IQSEC1: variants seen among roughly 807,000 people sequenced by gnomAD.
IQSEC1 encodes IQ motif and SEC7 domain-containing protein 1.
A neutral mutation model predicts 91.0 loss-of-function variants in IQSEC1; 31 were observed. The ratio of observed to expected loss-of-function variants is 0.34; its 90% CI spans 0.26 to 0.46. IQSEC1 has a LOEUF of 0.46. IQSEC1 is among the 20% of genes least tolerant of loss of function. The pLI, the probability that IQSEC1 is intolerant of heterozygous loss-of-function variation, is 1.00. For missense variants in IQSEC1, 1,388 were observed against 1,575.6 expected (o/e 0.88, Z 2.02); for synonymous variants, 699 against 662.6 (o/e 1.05, Z -0.84).
At chr3:13,066,808 G>A (rs989597822) in intron 1 of IQSEC1, among the ~76,000 whole-genome samples, 24 of 152,250 alleles carry the variant, frequency 1.6e-4, no homozygotes, top group African/African-American at 4.3e-4. Flanking sequence ...CAGGCAGGGC[G>A]GGCCTGGTCC....
At chr3:12,958,522 G>A (rs1301942305) in intron 1 of IQSEC1, among the ~76,000 whole-genome samples, 2 of 152,226 alleles carry the variant, frequency 1.3e-5, no homozygotes, top group Non-Finnish European at 2.9e-5. Flanking sequence ...CCCAGGAAAA[G>A]CAGAGAGTAG....
chr3:13,202,048 C>T (rs1449584533), intron 1 of IQSEC1, among the ~76,000 whole-genome samples: 1 of 152,242 alleles, frequency 6.6e-6, no homozygotes, highest in African/African-American at 2.4e-5. Flanking sequence ...AGGAGTCTTG[C>T]TTCAGTGATC....
Position 12,909,533 on chromosome 3 carries a change from G to C in IQSEC1, c.2417-99C>G. 1 of 1,245,744 alleles carries C rather than the reference G, an allele frequency of 8.0e-7. No homozygotes were observed. The highest frequency in any genetic ancestry group is 1.1e-6 in the Non-Finnish European group (1 of 881,078). 77.2% of individuals were successfully genotyped at this position (1,245,744 alleles called of 1,614,324 possible). On this transcript the variant is annotated intron_variant, in intron 10 of 13. Coordinates refer to ENST00000613206, the MANE Select transcript of IQSEC1 (RefSeq NM_001134382.3). The surrounding 1 kb of genome is among the most constrained non-coding windows in gnomAD (Gnocchi z 4.9). Reference sequence around the variant, plus strand: ...AAACAATGGTAGGGCTGAGTTGTGCGTGAGCCTGGGATAAGTGCCGGGAGT... The same window carrying C: ...AAACAATGGTAGGGCTGAGTTGTGCCTGAGCCTGGGATAAGTGCCGGGAGT...
intron 2 of IQSEC1, among the ~76,000 whole-genome samples, chr3:13,113,429 C>T (rs531881957): frequency 2.6e-5 from 4 of 152,298 alleles, no homozygotes; most frequent in East Asian, 3.9e-4. Flanking sequence ...GTGGGGATGA[C>T]GCTTGCCCAC....
chr3:13,132,104 G>T (rs1002034256), intron 2 of IQSEC1, among the ~76,000 whole-genome samples: 3 of 152,194 alleles, frequency 2.0e-5, no homozygotes, highest in African/African-American at 7.2e-5. Flanking sequence ...TACCTTGCTA[G>T]ATATTTTTGT....
chr3:13,264,725 G>A (rs1428303138), intron 1 of IQSEC1, among the ~76,000 whole-genome samples: 1 of 151,920 alleles, frequency 6.6e-6, no homozygotes, highest in Non-Finnish European at 1.5e-5. Flanking sequence ...GGACGGAGGA[G>A]AGGGCAGGAG....
At chr3:13,135,530 G>A (rs1706692231) in intron 2 of IQSEC1, among the ~76,000 whole-genome samples, 1 of 152,246 alleles carries the variant, frequency 6.6e-6, no homozygotes, top group South Asian at 2.1e-4. Context: ...CCCCAGCTCT[G>A]GTGCCCCTGG....
At chr3:13,189,702 C>T (rs1292323225) in intron 1 of IQSEC1, among the ~76,000 whole-genome samples, 1 of 151,444 alleles carries the variant, frequency 6.6e-6, no homozygotes, top group Non-Finnish European at 1.5e-5. Flanking sequence ...ACCAGCTCCA[C>T]CCCTGAGCTT....
At chr3:12,944,952 T>C (rs1365714572) in intron 1 of IQSEC1, among the ~76,000 whole-genome samples, 4 of 152,156 alleles carry the variant, frequency 2.6e-5, no homozygotes, top group African/African-American at 9.7e-5. Context: ...CACCAAGCCC[T>C]TTCTAACCTG....
At chr3:13,230,592 T>A (rs1334187846) in intron 1 of IQSEC1, among the ~76,000 whole-genome samples, 1 of 152,194 alleles carries the variant, frequency 6.6e-6, no homozygotes, top group African/African-American at 2.4e-5. Flanking sequence ...TTGCTTTGAT[T>A]GTGTTTTGTC....
chr3:12,975,844 A>T (rs754893339), intron 1 of IQSEC1, among the ~76,000 whole-genome samples: 1 of 152,202 alleles, frequency 6.6e-6, no homozygotes, highest in Non-Finnish European at 1.5e-5. Flanking sequence ...TTCTTACAAC[A>T]CTATTCCATC....
intron 1 of IQSEC1, among the ~76,000 whole-genome samples, chr3:13,252,037 A>G (rs1416900473): frequency 1.3e-5 from 2 of 152,166 alleles, no homozygotes; most frequent in African/African-American, 4.8e-5. Flanking sequence ...TATTGTGGTA[A>G]ACTACACACA....
At chr3:13,242,976 T>C (rs1695045605) in intron 1 of IQSEC1, among the ~76,000 whole-genome samples, 1 of 151,930 alleles carries the variant, frequency 6.6e-6, no homozygotes, top group East Asian at 1.9e-4. Context: ...ATCCCAGTAG[T>C]GAGGGGGTTG....
Position 12,935,995 on chromosome 3 carries a change from T to C in IQSEC1, c.1021A>G (p.Thr341Ala), listed in dbSNP as rs1306290858. 2.5e-5 allele frequency: 40 copies of C among 1,599,942 alleles called. No homozygotes were observed. Among genetic ancestry groups the C allele is most frequent in the Non-Finnish European group, 3.3e-5 (39 of 1,179,758 alleles). Residue 341 changes from threonine to alanine, a missense_variant, in exon 3 of 14, where the codon ACG becomes GCG. By Grantham distance (58) the Thr-to-Ala change is moderately conservative. Transcript: ENST00000613206. This position sits in a 1 kb window ranked among gnomAD's most constrained non-coding sequence, Gnocchi z 8.0. ...ALAHKEDKAD[T>A]DTSCRSTPSL... is the part of the protein sequence containing the mutation. The stretch of plus-strand genomic sequence containing the variant: ...GGCGTGCTCCGGCAGCTCGTGTCCG[T>C]GTCAGCCTTGTCCTCTTTGTGGGCC...
Position 13,053,863 on chromosome 3 carries a change from T to C in IQSEC1, c.23+19129A>G, listed in dbSNP as rs552847559. 2.6e-5 allele frequency among the ~76,000 whole-genome samples: 4 copies of C among 152,304 alleles called. No individual in the cohort carries two copies. The East Asian group carries it at 7.7e-4, about 29-fold the overall frequency. On this transcript the variant is annotated intron_variant, in intron 1 of 13. Transcript: ENST00000613206. ...CTGTACTAACTTTAGAAAATAACAG[T>C]GAAACACAACAAGGAAAATAAAATT... is the stretch of plus-strand genomic sequence containing the variant.
chr3:13,163,262 G>A (rs907862455), intron 2 of IQSEC1, among the ~76,000 whole-genome samples: 4 of 152,048 alleles, frequency 2.6e-5, no homozygotes, highest in Non-Finnish European at 5.9e-5. Context: ...GCATCCTCAC[G>A]GCCAAGCTCA....
At chr3:13,278,256 C>T (rs572634064) in intron 1 of IQSEC1, among the ~76,000 whole-genome samples, 1 of 152,124 alleles carries the variant, frequency 6.6e-6, no homozygotes, top group African/African-American at 2.4e-5. Flanking sequence ...CTTCCCCCCC[C>T]CACCCCCAGC....
At chr3:13,187,469 A>C (rs1254331636) in intron 1 of IQSEC1, among the ~76,000 whole-genome samples, 1 of 152,224 alleles carries the variant, frequency 6.6e-6, no homozygotes, top group African/African-American at 2.4e-5. Context: ...CATGGAATAC[A>C]AATTTTTGAA....
chr3:12,904,460 G>A (rs1334528673), intron 12 of IQSEC1, among the ~76,000 whole-genome samples: 1 of 152,244 alleles, frequency 6.6e-6, no homozygotes, highest in Admixed American at 6.5e-5. Context: ...GGAAGTAAGA[G>A]GAGGCTCACA....
Sources: allele counts gnomAD v4.1 joint callset (sites outside exome capture counted in the v4.1 genomes callset), GRCh38; gene constraint gnomAD v4.1.1; non-coding constraint Gnocchi (gnomAD v3.1); transcripts MANE v1.5; gene names NCBI Gene and HGNC (gene_info 2026-07-23, HGNC 2026-07-21).